The following UQCC1 variants were observed in gnomAD, a reference collection of about 807,000 sequenced individuals.
The protein encoded by UQCC1 is bFGF-repressed Zic-binding protein.
Under a neutral mutation model 48.0 loss-of-function variants are expected in UQCC1, and 38 were observed. That is an observed-to-expected ratio of 0.79 (90% CI 0.61 to 1.04). The LOEUF (loss-of-function observed/expected upper bound fraction) is 1.04. UQCC1 is among the 50% of genes least tolerant of loss of function. UQCC1 has a pLI of 0.00. For synonymous variants in UQCC1, 111 were observed against 129.2 expected (o/e 0.86, Z 0.95); for missense variants, 368 against 381.8 (o/e 0.96, Z 0.30).
chr20:35,386,353 G>C (rs763274201), intron 2 of UQCC1: 16 of 455,584 alleles, frequency 3.5e-5, no homozygotes, highest in Non-Finnish European at 6.2e-5. Context: ...AGAAGAAATG[G>C]AACACATGGA....
At chr20:35,405,238 T>G (rs2062234345) in intron 1 of UQCC1, among the ~76,000 whole-genome samples, 1 of 152,180 alleles carries the variant, frequency 6.6e-6, no homozygotes, top group South Asian at 2.1e-4. Flanking sequence ...TTTAAAGAAA[T>G]TTGTTTAATC....
intron 7 of UQCC1, among the ~76,000 whole-genome samples, chr20:35,327,146 C>T (rs1365296585): frequency 6.6e-6 from 1 of 152,198 alleles, no homozygotes; most frequent in East Asian, 1.9e-4. Context: ...CTGCCTTCTT[C>T]TTCTCCACAG....
At chr20:35,344,235 A>AAGG (rs1314432468) in intron 7 of UQCC1, 1 of 152,248 alleles carries the variant, frequency 6.6e-6, no homozygotes, top group African/African-American at 2.4e-5. Context: ...AGTTAAGTAG[A>AAGG]AGGGACACTG....
intron 1 of UQCC1, among the ~76,000 whole-genome samples, chr20:35,395,764 A>G (rs2062068643): frequency 6.6e-6 from 1 of 152,062 alleles, no homozygotes; most frequent in Admixed American, 6.6e-5. Flanking sequence ...ACATGAATGA[A>G]GAACTTCCAA....
chr20:35,381,096 C>A (rs1466033513), intron 4 of UQCC1, among the ~76,000 whole-genome samples: 1 of 152,160 alleles, frequency 6.6e-6, no homozygotes. Context: ...GGGCAGTATG[C>A]ATCTGAGGCA....
At chr20:35,329,721 G>A (rs1433037481) in intron 7 of UQCC1, among the ~76,000 whole-genome samples, 5 of 152,200 alleles carry the variant, frequency 3.3e-5, no homozygotes, top group Non-Finnish European at 5.9e-5. Context: ...TCCTGGCGGA[G>A]CTACTGCCCT....
chr20:35,386,244 C>T, intron 2 of UQCC1: 1 of 382,882 alleles, frequency 2.6e-6, no homozygotes, highest in South Asian at 1.9e-5. Flanking sequence ...AAAAAAAAAT[C>T]TAGTTTCCAA....
chr20:35,401,738 C>A (rs926925418), intron 1 of UQCC1, among the ~76,000 whole-genome samples: 1 of 150,756 alleles, frequency 6.6e-6, no homozygotes, highest in Non-Finnish European at 1.5e-5. Flanking sequence ...CTCAGCTCAC[C>A]GCAACCTCTG....
Position 35,381,938 on chromosome 20 carries a change from G to T in UQCC1, c.313C>A (p.Pro105Thr). Residue 105 changes from proline to threonine, a missense_variant, in exon 4 of 10, where the codon CCT (proline) becomes ACT (threonine). Pro to Thr is a conservative substitution (Grantham distance 38). Coordinates refer to ENST00000374385, the MANE Select transcript of UQCC1 (RefSeq NM_018244.5). ...TTTACCCATTTACTGTATTTCAAAG[G>T]TCCCGTGAATCCCATGGCTTCTATT... ...KIIEAMGFTG[P>T]LKYSKWKIKI... 6.2e-7 allele frequency: 1 copy of T among 1,606,544 alleles called. No individual in the cohort carries two copies. The highest frequency in any genetic ancestry group is 8.5e-7 in the Non-Finnish European group (1 of 1,174,802).
intron 2 of UQCC1, among the ~76,000 whole-genome samples, chr20:35,390,904 G>A (rs549421861): frequency 2.3e-3 from 344 of 152,028 alleles, no homozygotes; most frequent in African/African-American, 7.7e-3. Flanking sequence ...TAGAAAGGCC[G>A]GGCTTTCTAT....
At chr20:35,313,067 A>G (rs2061011551) in intron 8 of UQCC1, among the ~76,000 whole-genome samples, 1 of 152,092 alleles carries the variant, frequency 6.6e-6, no homozygotes, top group Admixed American at 6.5e-5. Flanking sequence ...TATGATATGT[A>G]TATTTTACAA....
chr20:35,305,178 C>G (rs2060915027), intron 9 of UQCC1, among the ~76,000 whole-genome samples: 1 of 152,240 alleles, frequency 6.6e-6, no homozygotes, highest in Admixed American at 6.5e-5. Flanking sequence ...CATGAGCTGG[C>G]TCCTCGAGGG....
At chr20:35,333,391 A>G (rs980080691) in intron 7 of UQCC1, among the ~76,000 whole-genome samples, 2 of 152,230 alleles carry the variant, frequency 1.3e-5, no homozygotes, top group African/African-American at 4.8e-5. Context: ...GGGGCGGGAG[A>G]AGAAAGGGGA....
intron 4 of UQCC1, among the ~76,000 whole-genome samples, chr20:35,378,385 G>A (rs1384126146): frequency 1.3e-5 from 2 of 152,088 alleles, no homozygotes; most frequent in East Asian, 3.9e-4. Flanking sequence ...AGGCCGAGGT[G>A]GGCGGATCAT....
At chr20:35,314,030 T>A (rs148862995) in intron 8 of UQCC1, among the ~76,000 whole-genome samples, 1 of 152,048 alleles carries the variant, frequency 6.6e-6, no homozygotes, top group Non-Finnish European at 1.5e-5. Context: ...AGAGGCATGA[T>A]CTCGGCTCAC....
intron 5 of UQCC1, among the ~76,000 whole-genome samples, chr20:35,373,531 T>C (rs2061758168): frequency 6.6e-6 from 1 of 151,824 alleles, no homozygotes; most frequent in South Asian, 2.1e-4. Flanking sequence ...ATACAAAAAT[T>C]AGCTGGGTAT....
intron 2 of UQCC1, among the ~76,000 whole-genome samples, chr20:35,389,681 G>A (rs2061990362): frequency 6.6e-6 from 1 of 152,162 alleles, no homozygotes; most frequent in Non-Finnish European, 1.5e-5. Flanking sequence ...GGGAAGAAGT[G>A]ACAGCTCTTT....
chr20:35,382,801 C>T (rs191344170), intron 3 of UQCC1, among the ~76,000 whole-genome samples: 2 of 152,070 alleles, frequency 1.3e-5, no homozygotes, highest in African/African-American at 2.4e-5. Flanking sequence ...TGAGCCACCG[C>T]GCCCGGCCTA....
At chr20:35,374,126 C>A in intron 5 of UQCC1, 58 bp downstream of exon 5, 1 of 1,397,976 alleles carries the variant, frequency 7.2e-7, no homozygotes, top group African/African-American at 1.4e-5. Flanking sequence ...TAAAACACAA[C>A]CATAAAAATG....
Sources: gnomAD v4.1 joint callset for allele counts (sites outside exome capture counted in the v4.1 genomes callset) on GRCh38, gnomAD v4.1.1 for gene constraint, MANE v1.5 for transcripts, NCBI Gene and HGNC (gene_info 2026-07-23, HGNC 2026-07-21) for gene names.